LIAS: variants seen among roughly 807,000 people sequenced by gnomAD.
The protein encoded by LIAS is lipoic acid synthetase, also known as lipoyl synthase, mitochondrial.
In LIAS, 36 loss-of-function variants were observed where a neutral mutation model predicts 49.4. The ratio of observed to expected loss-of-function variants is 0.73; its 90% CI spans 0.56 to 0.96. LIAS has a LOEUF of 0.96. Among genes scored for constraint, LIAS ranks in the 40% least tolerant of loss-of-function variants. The probability of loss-of-function intolerance (pLI) is 0.00; values close to 1 mark genes in which losing one functional copy is unlikely to be tolerated. For missense variants in LIAS, 399 were observed against 456.3 expected (o/e 0.87, Z 1.14); for synonymous variants, 145 against 155.8 (o/e 0.93, Z 0.52).
intron 1 of LIAS, among the ~76,000 whole-genome samples, chr4:39,460,265 C>G (rs182540436): frequency 3.9e-5 from 6 of 152,306 alleles, no homozygotes; most frequent in Non-Finnish European, 5.9e-5. Context: ...GGTGCGGTGG[C>G]TTACGCCTGT....
intron 3 of LIAS, among the ~76,000 whole-genome samples, 178 bp downstream of exon 3, chr4:39,462,467 A>AT (rs1314443761): frequency 6.6e-6 from 1 of 152,094 alleles, no homozygotes; most frequent in Admixed American, 6.6e-5. Context: ...AAACAAAGAG[A>AT]TTTTTTGCCC....
chr4:39,465,057 C>T lies in LIAS; in HGVS notation c.405C>T (p.Asp135=), dbSNP rs1458548365. 3 of 1,613,124 alleles carry T rather than the reference C, an allele frequency of 1.9e-6. No homozygotes were observed. The highest frequency in any genetic ancestry group is 2.5e-6 in the Non-Finnish European group (3 of 1,179,458). The change falls in exon 5 of 11, where the codon GAC becomes GAT. Residue 135 remains aspartate, a synonymous_variant. Transcript: ENST00000640888. ...TATATIMLMG[D]TCTRGCRFCS... ...CATTTCTATTCTAGTTGATGGGTGA[C>T]ACATGTACAAGAGGTTGCAGATTTT...
At position 39,467,614 on chromosome 4, in the gene LIAS, A is replaced by G. The variant is rs111583368; in HGVS notation, c.705A>G (p.Ala235=). Residue 235 remains alanine (A), a synonymous_variant, in exon 7 of 11, where the codon GCA becomes GCG. Coordinates refer to ENST00000640888, the MANE Select transcript of LIAS (RefSeq NM_006859.4). The stretch of plus-strand genomic sequence containing the variant: ...CTCTGTCAGGATTAGATGTGTATGC[A>G]CATAATGTAGAAACAGTCCCGGAAT... ...KVALSGLDVY[A]HNVETVPELQ... 6.3e-7 allele frequency: 1 copy of G among 1,597,074 alleles called. No individual in the cohort carries two copies. Among genetic ancestry groups the G allele is most frequent in the Non-Finnish European group, 8.5e-7 (1 of 1,171,232 alleles).
intron 9 of LIAS, among the ~76,000 whole-genome samples, chr4:39,472,267 C>A (rs73137459): frequency 0.061 from 9,236 of 152,000 alleles, 312 homozygotes; most frequent in African/African-American, 0.071. Context: ...TCATAAAGGT[C>A]TTCATCCTCA....
intron 7 of LIAS, chr4:39,468,452 G>C (rs2109880243): frequency 6.9e-6 from 1 of 145,058 alleles, no homozygotes; most frequent in South Asian, 2.2e-4. Context: ...TTGCACTCCA[G>C]CTTGGGCAAA....
chr4:39,459,959 CA>C (rs3836576), intron 1 of LIAS, among the ~76,000 whole-genome samples: 11,534 of 134,930 alleles, frequency 0.085, 516 homozygotes, highest in African/African-American at 0.14. Context: ...GACTCCATCT[CA>C]AAAAAAAAAA....
chr4:39,476,434 T>G (rs959054717), intron 10 of LIAS: 1 of 152,368 alleles, frequency 6.6e-6, no homozygotes, highest in Non-Finnish European at 1.5e-5. Context: ...CCTCTAGTGC[T>G]GCACTCTACC....
intron 2 of LIAS, among the ~76,000 whole-genome samples, chr4:39,461,931 G>T (rs1744517910): frequency 6.6e-6 from 1 of 152,150 alleles, no homozygotes; most frequent in South Asian, 2.1e-4. Flanking sequence ...CTGACCTTGT[G>T]ATCCGCCCAC....
intron 6 of LIAS, chr4:39,466,680 A>T (rs1006260624): frequency 5.3e-5 from 8 of 152,130 alleles, no homozygotes; most frequent in African/African-American, 1.9e-4. Flanking sequence ...GTGAGCTATG[A>T]TGCACTGGGC....
chr4:39,478,093 T>C lies in LIAS; in HGVS notation c.*978T>C, dbSNP rs1449539927. On this transcript the variant is annotated 3_prime_UTR_variant, in exon 11 of 11. Coordinates refer to ENST00000640888, the MANE Select transcript of LIAS (RefSeq NM_006859.4). ...TGTTACTGTGATGAAACAGTCAACA[T>C]AGATTGAAACTCATCAGTTTAGCAT... is the stretch of plus-strand genomic sequence containing the variant. The C allele has an allele frequency of 1.1e-4, 17 of 152,386 alleles. No individual in the cohort carries two copies. Among genetic ancestry groups the C allele is most frequent in the Middle Eastern group, 3.4e-3 (1 of 294 alleles). The allele number at this position is 152,386 out of a possible 1,614,324, so 9.4% of individuals were successfully genotyped here. A position where few individuals can be genotyped will look rare whatever the true frequency, so the allele number is the denominator to read the frequency against.
intron 4 of LIAS, among the ~76,000 whole-genome samples, 184 bp from the exon 5 acceptor site, chr4:39,464,862 T>C (rs139907905): frequency 6.4e-4 from 97 of 152,328 alleles, no homozygotes; most frequent in African/African-American, 2.2e-3. Flanking sequence ...AGTTTATTAT[T>C]TCCCTTTTTA....
At chr4:39,466,771 G>A (rs1223590871) in intron 6 of LIAS, 1 of 152,062 alleles carries the variant, frequency 6.6e-6, no homozygotes, top group Non-Finnish European at 1.5e-5. Context: ...TTCATGATAA[G>A]GGTGTACATG....
chr4:39,470,252 A>G (rs1744933785), intron 8 of LIAS, 88 bp downstream of exon 8: 4 of 1,139,322 alleles, frequency 3.5e-6, no homozygotes, highest in Non-Finnish European at 4.9e-6. Flanking sequence ...TCTAAGAACA[A>G]AGAAAAGTAT....
chr4:39,467,488 C>G, intron 6 of LIAS, 30 bp from the exon 7 acceptor site: 1 of 1,548,670 alleles, frequency 6.5e-7, no homozygotes, highest in Non-Finnish European at 8.7e-7. Flanking sequence ...TTCTTTCTCT[C>G]TGTTTGATAA....
intron 1 of LIAS, 166 bp downstream of exon 1, chr4:39,459,328 C>T (rs1253173563): frequency 7.9e-6 from 5 of 636,216 alleles, no homozygotes; most frequent in Non-Finnish European, 1.4e-5. Context: ...CCCGCCAGCC[C>T]CATGATATAG....
At chr4:39,463,476 T>C (rs1744623435) in intron 3 of LIAS, 49 bp from the exon 4 acceptor site, 3 of 1,516,028 alleles carry the variant, frequency 2.0e-6, no homozygotes, top group African/African-American at 2.8e-5. Flanking sequence ...AACTGTTTAG[T>C]TGGTGGATAT....
intron 10 of LIAS, 167 bp downstream of exon 10, chr4:39,473,378 C>A: frequency 2.2e-6 from 1 of 460,516 alleles, no homozygotes; most frequent in Non-Finnish European, 3.9e-6. Flanking sequence ...CCATGGGGAT[C>A]ATATTAAGAA....
intron 10 of LIAS, among the ~76,000 whole-genome samples, chr4:39,474,478 G>T (rs1172875105): frequency 1.3e-5 from 2 of 152,028 alleles, no homozygotes; most frequent in African/African-American, 4.8e-5. Flanking sequence ...AGGTGTGGTG[G>T]TGTGTGCCTA....
intron 1 of LIAS, 49 bp downstream of exon 1, chr4:39,459,211 C>T (rs200240215): frequency 1.7e-4 from 268 of 1,546,820 alleles, no homozygotes; most frequent in Non-Finnish European, 2.2e-4. Context: ...GGGATCCTAT[C>T]CCTTCAGAGC....
Sources: allele counts gnomAD v4.1 joint callset (sites outside exome capture counted in the v4.1 genomes callset), GRCh38; gene constraint gnomAD v4.1.1; transcripts MANE v1.5; gene names NCBI Gene and HGNC (gene_info 2026-07-23, HGNC 2026-07-21).